SLC4A4: variants seen among roughly 807,000 people sequenced by gnomAD.
SLC4A4 encodes solute carrier family 4 member 4, also known as electrogenic sodium bicarbonate cotransporter 1.
SLC4A4 carries 27 observed loss-of-function variants against 111.5 expected under a neutral mutation model. The observed-to-expected ratio is 0.24, with a 90% CI of 0.18 to 0.33. The LOEUF (loss-of-function observed/expected upper bound fraction) is 0.33. SLC4A4 is among the 10% of genes least tolerant of loss of function. SLC4A4 has a pLI of 1.00. For synonymous variants in SLC4A4, 443 were observed against 463.4 expected (o/e 0.96, Z 0.57); for missense variants, 909 against 1,315.5 (o/e 0.69, Z 4.78).
At chr4:71,300,118 C>A in intron 3 of SLC4A4, 1 of 158,976 alleles carries the variant, frequency 6.3e-6, no homozygotes. Context: ...AATAACCTGA[C>A]TCCTCTCACT....
Position 71,472,237 on chromosome 4 carries a change from T to C in SLC4A4, c.1632-462T>C, listed in dbSNP as rs577834902. On this transcript the variant is annotated intron_variant, in intron 13 of 25. Coordinates refer to ENST00000264485, the MANE Select transcript of SLC4A4 (RefSeq NM_001098484.3). ...TGTAACATTATCACTTAGTATTTTA[T>C]AGTGCGATTACATTTATCGATTTGT... 3.5e-3 allele frequency among the ~76,000 whole-genome samples: 530 copies of C among 152,056 alleles called. 3 individuals carry two copies. Among genetic ancestry groups the C allele is most frequent in the African/African-American group, 0.012 (508 of 41,530 alleles).
chr4:71,097,825 T>C (rs1378404920), intron 2 of SLC4A4, among the ~76,000 whole-genome samples: 2 of 152,188 alleles, frequency 1.3e-5, no homozygotes, highest in African/African-American at 4.8e-5. Flanking sequence ...GCATGTCTTC[T>C]TTTGAGGTCT....
intron 1 of SLC4A4, among the ~76,000 whole-genome samples, chr4:71,221,434 C>T (rs147226938): frequency 6.6e-6 from 1 of 152,136 alleles, no homozygotes; most frequent in Non-Finnish European, 1.5e-5. Flanking sequence ...ATGACAAGCT[C>T]AGGGCATTTT....
chr4:71,445,527 T>G (rs1271150378), intron 8 of SLC4A4, among the ~76,000 whole-genome samples: 10 of 152,158 alleles, frequency 6.6e-5, no homozygotes. Flanking sequence ...AGTTAATATT[T>G]AGATACATGA....
chr4:71,357,183 T>C lies in SLC4A4; in HGVS notation c.726T>C (p.Asp242=). The change falls in exon 6 of 26, where the codon GAT becomes GAC. Residue 242 remains aspartate, a synonymous_variant. Transcript: ENST00000264485. The part of the protein sequence containing the change: ...SSASRMFTNP[D]NGSPAMTHRN... ...CAAGTAGGATGTTTACCAACCCTGA[T>C]AATGGTAATGCAGAGGCCAGCTGGC... 6.2e-7 allele frequency: 1 copy of C among 1,614,034 alleles called. No individual in the cohort carries two copies.
At chr4:71,175,091 C>T (rs1745048214) in intron 2 of SLC4A4, among the ~76,000 whole-genome samples, 1 of 152,150 alleles carries the variant, frequency 6.6e-6, no homozygotes, top group Non-Finnish European at 1.5e-5. Flanking sequence ...AAATTATATA[C>T]TTATTCATAT....
At chr4:71,108,281 T>C (rs1280910614) in intron 2 of SLC4A4, among the ~76,000 whole-genome samples, 1 of 152,234 alleles carries the variant, frequency 6.6e-6, no homozygotes, top group Non-Finnish European at 1.5e-5. Context: ...TACTGTCTAA[T>C]GTTCTTTCAT....
chr4:71,120,593 T>A (rs993924891), intron 2 of SLC4A4, among the ~76,000 whole-genome samples: 3 of 152,240 alleles, frequency 2.0e-5, no homozygotes, highest in African/African-American at 7.2e-5. Context: ...AATAGCCAGA[T>A]GCGGTGGCTT....
chr4:71,084,801 C>A (rs556582961), intron 1 of SLC4A4, among the ~76,000 whole-genome samples: 1 of 152,074 alleles, frequency 6.6e-6, no homozygotes, highest in South Asian at 2.1e-4. Flanking sequence ...ATCCAGTCTA[C>A]TATTGATGGA....
At chr4:71,260,483 T>C (rs555043182) in intron 3 of SLC4A4, among the ~76,000 whole-genome samples, 1 of 152,314 alleles carries the variant, frequency 6.6e-6, no homozygotes, top group East Asian at 1.9e-4. Flanking sequence ...GGTAGACCTG[T>C]CCCAGTTTAA....
At chr4:71,388,848 GCCTAA>G (rs772661222) in intron 6 of SLC4A4, among the ~76,000 whole-genome samples, 1 of 152,144 alleles carries the variant, frequency 6.6e-6, no homozygotes, top group Non-Finnish European at 1.5e-5. Context: ...ACCATGCCTG[GCCTAA>G]CCTACCTATT....
chr4:71,494,501 G>C (rs1023034571), intron 15 of SLC4A4, among the ~76,000 whole-genome samples: 6 of 151,758 alleles, frequency 4.0e-5, no homozygotes, highest in African/African-American at 4.8e-5. Context: ...AAATAATGGA[G>C]ATGAGGTCTT....
At chr4:71,365,230 CT>C (rs1412531208) in intron 6 of SLC4A4, among the ~76,000 whole-genome samples, 1 of 152,108 alleles carries the variant, frequency 6.6e-6, no homozygotes, top group African/African-American at 2.4e-5. Flanking sequence ...CATGTGAGTG[CT>C]TTTTTCTTCA....
intron 3 of SLC4A4, among the ~76,000 whole-genome samples, chr4:71,277,447 CTCTT>C (rs1723153978): frequency 6.6e-6 from 1 of 151,916 alleles, no homozygotes; most frequent in African/African-American, 2.4e-5. Flanking sequence ...GGTGAAATGT[CTCTT>C]TATATCTTGT....
intron 4 of SLC4A4, among the ~76,000 whole-genome samples, chr4:71,348,619 A>G (rs73826270): frequency 0.082 from 12,484 of 152,154 alleles, 653 homozygotes; most frequent in South Asian, 0.15. Flanking sequence ...AGGCACATGG[A>G]GGGGAAAGTC....
intron 21 of SLC4A4, 110 bp from the exon 22 acceptor site, chr4:71,557,602 A>AAGG (rs1294678075): frequency 9.2e-6 from 10 of 1,089,746 alleles, no homozygotes; most frequent in Non-Finnish European, 1.4e-5. Context: ...GTCCTCTGAA[A>AAGG]AGGACACTGC....
chr4:71,476,310 A>G (rs16846393), intron 14 of SLC4A4, among the ~76,000 whole-genome samples: 5,576 of 151,896 alleles, frequency 0.037, 319 homozygotes, highest in Admixed American at 0.17. Context: ...AGAGAGTAAT[A>G]CAGTTGCATA....
intron 12 of SLC4A4, among the ~76,000 whole-genome samples, chr4:71,454,665 A>T (rs766003983): frequency 1.3e-5 from 2 of 152,148 alleles, no homozygotes; most frequent in African/African-American, 2.4e-5. Context: ...TATGGAGATT[A>T]TAACATCTAT....
chr4:71,175,904 TA>T (rs1745081297), intron 2 of SLC4A4, among the ~76,000 whole-genome samples: 1 of 152,100 alleles, frequency 6.6e-6, no homozygotes, highest in South Asian at 2.1e-4. Context: ...TGCCCCCGAG[TA>T]ACCTAACTGG....
Sources: allele counts gnomAD v4.1 joint callset (sites outside exome capture counted in the v4.1 genomes callset), GRCh38; gene constraint gnomAD v4.1.1; transcripts MANE v1.5; gene names NCBI Gene and HGNC (gene_info 2026-07-23, HGNC 2026-07-21).